DCHS2: variants seen among roughly 807,000 people sequenced by gnomAD.
DCHS2 encodes dachsous cadherin-related 2.
A neutral mutation model predicts 182.4 loss-of-function variants in DCHS2; 142 were observed. The ratio of observed to expected loss-of-function variants is 0.78; its 90% CI spans 0.68 to 0.89. DCHS2 has a LOEUF of 0.89. Ranked by LOEUF, DCHS2 falls within the 40% of genes least tolerant of loss-of-function variation. The pLI, the probability that DCHS2 is intolerant of heterozygous loss-of-function variation, is 0.00. For synonymous variants in DCHS2, 1,740 were observed against 1,663.3 expected (o/e 1.05, Z -1.12); for missense variants, 4,319 against 4,198.6 (o/e 1.03, Z -0.79).
intron 1 of DCHS2, among the ~76,000 whole-genome samples, chr4:154,420,447 G>A (rs547895338): frequency 8.5e-5 from 13 of 152,258 alleles, no homozygotes; most frequent in East Asian, 5.8e-4. Flanking sequence ...ACCTCAGTAC[G>A]TGTCCAAAAC....
chr4:154,358,149 A>G (rs528663545), intron 3 of DCHS2, among the ~76,000 whole-genome samples: 1 of 152,262 alleles, frequency 6.6e-6, no homozygotes, highest in East Asian at 1.9e-4. Context: ...TATGTATCTT[A>G]GTTTCTCAGT....
rs578133307 is a variant in DCHS2 at position 154,483,772 on chromosome 4, TAG to T, written c.2052+5530_2052+5531del. 1.4e-3 allele frequency among the ~76,000 whole-genome samples: 218 copies of T among 152,196 alleles called. 1 individual carries two copies. Among genetic ancestry groups the T allele is most frequent in the African/African-American group, 4.9e-3 (204 of 41,518 alleles). ...CTTGAGGCTCAGGAATACAAGCACATAGCATTATCATCACAGAGACCTGCCCC... is the reference window on the plus strand; with the variant it reads ...CTTGAGGCTCAGGAATACAAGCACATCATTATCATCACAGAGACCTGCCCC... On this transcript the variant is annotated intron_variant, in intron 1 of 19. Transcript: ENST00000357232.
At chr4:154,358,993 C>G (rs889599833) in intron 3 of DCHS2, among the ~76,000 whole-genome samples, 1 of 151,628 alleles carries the variant, frequency 6.6e-6, no homozygotes, top group Non-Finnish European at 1.5e-5. Context: ...ATGAATAACT[C>G]TCTTTGCCTA....
At chr4:154,459,734 TTCTCTCTC>T (rs60259256) in intron 1 of DCHS2, among the ~76,000 whole-genome samples, 8,145 of 135,182 alleles carry the variant, frequency 0.06, 269 homozygotes, top group African/African-American at 0.086. Flanking sequence ...TATCTACACA[TTCTCTCTC>T]TCTCTCTCTC....
At chr4:154,422,938 C>T (rs1733171511) in intron 1 of DCHS2, among the ~76,000 whole-genome samples, 1 of 152,216 alleles carries the variant, frequency 6.6e-6, no homozygotes, top group South Asian at 2.1e-4. Flanking sequence ...CTCCATTGTA[C>T]ACACTCAGAG....
Position 154,322,403 on chromosome 4 carries a change from G to T in DCHS2, c.4104C>A (p.Ser1368=). 2.5e-6 allele frequency: 4 copies of T among 1,613,754 alleles called. No homozygotes were observed. The highest frequency in any genetic ancestry group is 3.4e-6 in the Non-Finnish European group (4 of 1,179,826). The change falls in exon 8 of 20, where the codon TCC becomes TCA. Residue 1368 remains serine, a synonymous_variant. Transcript: ENST00000357232. The part of the protein sequence containing the change: ...TTILSYDYRP[S]YRMSVIATDQ... ...CAGTGGCAATGACACTCATTCTGTA[G>T]GAAGGTCTATAATCATACGAAAGTA...
rs5863102 is a variant in DCHS2, at chr4:154,463,692, TTCTCTCTCTCTCTCTC to T, written c.2052+25596_2052+25611del. Among the ~76,000 whole-genome samples, 3 of 145,264 alleles carry T rather than the reference TTCTCTCTCTCTCTCTC, an allele frequency of 2.1e-5. No homozygotes were observed. The Admixed American group carries it at 2.1e-4, about 10-fold the overall frequency. On this transcript the variant is annotated intron_variant, in intron 1 of 19. Coordinates refer to ENST00000357232, the MANE Select transcript of DCHS2 (RefSeq NM_001358235.2). Reference sequence around the variant, plus strand: ...AAAATCCTGTAAGCTATTCTCTCTTTTCTCTCTCTCTCTCTCTCTCTCTCTCTCTCTCTCTGTCTCT... The same window carrying T: ...AAAATCCTGTAAGCTATTCTCTCTTTTCTCTCTCTCTCTCTCTCTGTCTCT...
rs896325992 is a variant in DCHS2, at chr4:154,297,710, G to A, written c.6463+141C>T. On this transcript the variant is annotated intron_variant, in intron 13 of 19. Coordinates refer to ENST00000357232, the MANE Select transcript of DCHS2 (RefSeq NM_001358235.2). ...CTCAGACCAGGTTCCACTTAACCAT[G>A]TTTATTCCAATATCAAGAACAGGCA... 2.1e-5 allele frequency: 28 copies of A among 1,361,650 alleles called. No homozygotes were observed. In the East Asian group the frequency reaches 6.5e-4, roughly 31 times the overall value. 84.3% of individuals were successfully genotyped at this position (1,361,650 alleles called of 1,614,324 possible).
At chr4:154,350,413 A>T (rs1015200107) in intron 3 of DCHS2, among the ~76,000 whole-genome samples, 5 of 152,090 alleles carry the variant, frequency 3.3e-5, no homozygotes, top group African/African-American at 4.8e-5. Context: ...AGTTTTTTTT[A>T]AATTTTTTTT....
At chr4:154,357,399 G>A in intron 3 of DCHS2, 1 of 938,260 alleles carries the variant, frequency 1.1e-6, no homozygotes, top group Non-Finnish European at 1.7e-6. Flanking sequence ...CTATAAGTCT[G>A]CCTTTCTTCA....
intron 1 of DCHS2, among the ~76,000 whole-genome samples, chr4:154,424,586 C>T (rs1418465661): frequency 6.6e-6 from 1 of 152,136 alleles, no homozygotes; most frequent in African/African-American, 2.4e-5. Flanking sequence ...CTACATCAAA[C>T]CAGAATCTCT....
At chr4:154,417,522 T>C (rs1350978564) in intron 1 of DCHS2, among the ~76,000 whole-genome samples, 4 of 152,192 alleles carry the variant, frequency 2.6e-5, no homozygotes, top group African/African-American at 9.6e-5. Context: ...GAGAAAAACC[T>C]ACAAACATTA....
At chr4:154,285,853 A>G (rs1324232750) in intron 13 of DCHS2, among the ~76,000 whole-genome samples, 1 of 152,052 alleles carries the variant, frequency 6.6e-6, no homozygotes, top group Non-Finnish European at 1.5e-5. Context: ...TCCACTGTAG[A>G]GCCCTGGGGC....
chr4:154,456,667 C>G (rs1158097875), intron 1 of DCHS2, among the ~76,000 whole-genome samples: 1 of 152,128 alleles, frequency 6.6e-6, no homozygotes, highest in African/African-American at 2.4e-5. Flanking sequence ...ACTGGAAGGA[C>G]TTGATGGATT....
At chr4:154,314,145 G>A (rs1205576784) in intron 10 of DCHS2, among the ~76,000 whole-genome samples, 2 of 152,096 alleles carry the variant, frequency 1.3e-5, no homozygotes, top group Non-Finnish European at 2.9e-5. Flanking sequence ...AGGCCAAAGG[G>A]AGGAAGCATT....
chr4:154,331,506 G>A, intron 5 of DCHS2: 1 of 1,483,754 alleles, frequency 6.7e-7, no homozygotes. Context: ...GAGTGAATGA[G>A]AGTGGAAAGG....
At chr4:154,395,972 G>A (rs1157448608) in intron 1 of DCHS2, among the ~76,000 whole-genome samples, 2 of 152,190 alleles carry the variant, frequency 1.3e-5, no homozygotes, top group Admixed American at 1.3e-4. Context: ...TTATTCAAGG[G>A]AAGAGTTCTT....
intron 10 of DCHS2, among the ~76,000 whole-genome samples, chr4:154,314,307 A>T (rs1735772101): frequency 6.6e-6 from 1 of 152,182 alleles, no homozygotes; most frequent in East Asian, 1.9e-4. Context: ...CTGAGCTAAA[A>T]TTATTGTGAA....
At chr4:154,318,721 ACATGTATGTTCAT>A (rs1735947461) in intron 9 of DCHS2, among the ~76,000 whole-genome samples, 1 of 152,164 alleles carries the variant, frequency 6.6e-6, no homozygotes, top group Non-Finnish European at 1.5e-5. Flanking sequence ...AAATGGAAAG[ACATGTATGTTCAT>A]AGAGTGAAAG....
Sources: allele counts gnomAD v4.1 joint callset (sites outside exome capture counted in the v4.1 genomes callset), GRCh38; gene constraint gnomAD v4.1.1; transcripts MANE v1.5; gene names NCBI Gene and HGNC (gene_info 2026-07-23, HGNC 2026-07-21).